CNTNAP2: variants seen among roughly 807,000 people sequenced by gnomAD.
CNTNAP2 encodes contactin-associated protein-like 2.
CNTNAP2 carries 98 observed loss-of-function variants against 155.2 expected under a neutral mutation model. The ratio of observed to expected loss-of-function variants is 0.63; its 90% confidence interval spans 0.54 to 0.75. The LOEUF is 0.75. CNTNAP2 is among the 30% of genes least tolerant of loss of function. The probability of loss-of-function intolerance (pLI) is 0.00; values close to 1 mark genes in which losing one functional copy is unlikely to be tolerated. For missense variants in CNTNAP2, 1,727 were observed against 1,688.1 expected, an observed-to-expected ratio of 1.02 and a Z score of -0.40; for synonymous variants, 651 against 631.2, an observed-to-expected ratio of 1.03 and a Z score of -0.47.
chr7:147,849,186 G>A (rs958736732), intron 13 of CNTNAP2, among the ~76,000 whole-genome samples: 1 of 152,118 alleles, frequency 6.6e-6, no homozygotes, highest in African/African-American at 2.4e-5. Flanking sequence ...GCATAATATA[G>A]TAATATCATT....
At chr7:146,627,150 C>T (rs1225876557) in intron 1 of CNTNAP2, among the ~76,000 whole-genome samples, 1 of 152,046 alleles carries the variant, frequency 6.6e-6, no homozygotes, top group Non-Finnish European at 1.5e-5. Context: ...GGGAAACTCC[C>T]ATGTTTTAAA....
At chr7:147,610,633 C>T (rs1320269875) in intron 12 of CNTNAP2, among the ~76,000 whole-genome samples, 1 of 152,152 alleles carries the variant, frequency 6.6e-6, no homozygotes, top group African/African-American at 2.4e-5. Flanking sequence ...AGAGGCCAAA[C>T]AGAGATGAGA....
intron 11 of CNTNAP2, among the ~76,000 whole-genome samples, chr7:147,513,791 C>T (rs1375946292): frequency 6.6e-6 from 1 of 152,248 alleles, no homozygotes; most frequent in Non-Finnish European, 1.5e-5. Context: ...AAAGTGTATT[C>T]CCATTAAAAT....
chr7:146,786,407 T>C (rs1260271821), intron 2 of CNTNAP2, among the ~76,000 whole-genome samples: 2 of 152,214 alleles, frequency 1.3e-5, no homozygotes, highest in Non-Finnish European at 2.9e-5. Context: ...TTCACATTTT[T>C]TTCTTTCAGA....
intron 18 of CNTNAP2, among the ~76,000 whole-genome samples, chr7:148,208,674 G>A (rs756494838): frequency 4.6e-5 from 7 of 152,158 alleles, no homozygotes; most frequent in Admixed American, 6.5e-5. Flanking sequence ...CTTCACTTCA[G>A]TGAATGGAGT....
At chr7:147,582,680 A>G (rs1272687721) in intron 12 of CNTNAP2, among the ~76,000 whole-genome samples, 2 of 152,070 alleles carry the variant, frequency 1.3e-5, no homozygotes, top group Non-Finnish European at 2.9e-5. Context: ...AATAGTGAAT[A>G]TATTTATTTT....
chr7:146,735,610 A>G (rs946229804), intron 1 of CNTNAP2, among the ~76,000 whole-genome samples: 1 of 140,738 alleles, frequency 7.1e-6, no homozygotes, highest in African/African-American at 3.3e-5. Context: ...ATATATTTAA[A>G]TATACATTGT....
chr7:146,493,731 A>G (rs1797172161), intron 1 of CNTNAP2, among the ~76,000 whole-genome samples: 1 of 152,262 alleles, frequency 6.6e-6, no homozygotes, highest in African/African-American at 2.4e-5. Flanking sequence ...GACACTTAAA[A>G]GTTTATTACT....
intron 12 of CNTNAP2, among the ~76,000 whole-genome samples, chr7:147,613,704 A>T (rs979433423): frequency 6.6e-6 from 1 of 152,094 alleles, no homozygotes; most frequent in Non-Finnish European, 1.5e-5. Flanking sequence ...TTAGCCAGGC[A>T]TGGTGGTGGG....
chr7:147,882,277 G>C (rs1286267810), intron 13 of CNTNAP2, among the ~76,000 whole-genome samples: 1 of 152,184 alleles, frequency 6.6e-6, no homozygotes, highest in Non-Finnish European at 1.5e-5. Context: ...AGGTGGAATA[G>C]AGTCCAGATC....
chr7:147,854,708 T>G (rs1314313151), intron 13 of CNTNAP2, among the ~76,000 whole-genome samples: 9 of 152,180 alleles, frequency 5.9e-5, no homozygotes, highest in Non-Finnish European at 1.3e-4. Context: ...TTCATTGTGT[T>G]TTAATTAATT....
Position 148,378,143 on chromosome 7 carries a change from G to T in CNTNAP2, c.3476-5506G>T, listed in dbSNP as rs181598998. ...ATTACTTTGTCCAAGGCATTATTTT[G>T]GGGGAACACAAAGAGAAGTGACATT... On this transcript the variant is annotated intron_variant, in intron 21 of 23. Coordinates refer to ENST00000361727, the MANE Select transcript of CNTNAP2 (RefSeq NM_014141.6). 3.2e-4 allele frequency among the ~76,000 whole-genome samples: 22 copies of T among 68,222 alleles called. 8 individuals carry two copies. In the East Asian group the frequency reaches 7.3e-3, roughly 23 times the overall value. The allele number at this position is 68,222 out of a possible 152,430, so 44.8% of individuals were successfully genotyped here.
intron 1 of CNTNAP2, among the ~76,000 whole-genome samples, chr7:146,232,013 T>C (rs1206106340): frequency 2.0e-5 from 3 of 152,188 alleles, no homozygotes; most frequent in Admixed American, 2.0e-4. Context: ...TTCTGTTCTG[T>C]TTTCTATACC....
intron 6 of CNTNAP2, among the ~76,000 whole-genome samples, chr7:147,125,941 T>G (rs1369765131): frequency 6.6e-6 from 1 of 152,234 alleles, no homozygotes; most frequent in Middle Eastern, 3.2e-3. Flanking sequence ...CAGTCCTTTT[T>G]AATCTTGCTC....
At chr7:148,295,947 T>C (rs1410969667) in intron 21 of CNTNAP2, among the ~76,000 whole-genome samples, 2 of 152,210 alleles carry the variant, frequency 1.3e-5, no homozygotes, top group Admixed American at 6.5e-5. Flanking sequence ...AATGTTTAGA[T>C]TCAGGAAAAC....
intron 3 of CNTNAP2, among the ~76,000 whole-genome samples, chr7:146,977,989 G>A (rs567997279): frequency 3.5e-4 from 54 of 152,148 alleles, no homozygotes; most frequent in Non-Finnish European, 1.6e-4. Flanking sequence ...TAAGATAGGA[G>A]TAAATATAGA....
chr7:147,459,980 C>A (rs28487993), intron 10 of CNTNAP2, among the ~76,000 whole-genome samples: 34,150 of 151,746 alleles, frequency 0.23, 4,306 homozygotes, highest in African/African-American at 0.34. Flanking sequence ...CATCACACAC[C>A]AGGGCCTGTC....
rs73166392 is a variant in CNTNAP2, at chr7:146,693,782, G to A, written c.98-80489G>A. ...TGTACAGGATGTGCAGGTTTGTTGC[G>A]TATGTAAACGTGTGCCATGGTGGTT... On this transcript the variant is annotated intron_variant, in intron 1 of 23. Transcript: ENST00000361727. Among the ~76,000 whole-genome samples, 132 of 152,056 alleles carry A rather than the reference G, an allele frequency of 8.7e-4. No individual in the cohort carries two copies. In the Middle Eastern group the frequency reaches 0.01, roughly 12 times the overall value.
At chr7:147,269,324 C>A (rs1181517688) in intron 8 of CNTNAP2, among the ~76,000 whole-genome samples, 1 of 152,082 alleles carries the variant, frequency 6.6e-6, no homozygotes, top group Non-Finnish European at 1.5e-5. Flanking sequence ...AACAAAGATT[C>A]TCTCAAGCTA....
Sources: allele counts gnomAD v4.1 joint callset (sites outside exome capture counted in the v4.1 genomes callset), GRCh38; gene constraint gnomAD v4.1.1; transcripts MANE v1.5; gene names NCBI Gene and HGNC (gene_info 2026-07-23, HGNC 2026-07-21).